The following PLD1 variants were observed in gnomAD, a reference collection of about 807,000 sequenced individuals.
PLD1 encodes phospholipase D1.
Under a neutral mutation model 137.1 loss-of-function variants are expected in PLD1, and 112 were observed. The observed-to-expected ratio is 0.82, with a 90% CI of 0.70 to 0.96. The LOEUF is 0.96. PLD1 is among the 40% of genes least tolerant of loss of function. PLD1 has a pLI of 0.00. For missense variants in PLD1, 1,321 were observed against 1,342.0 expected (o/e 0.98, Z 0.24); for synonymous variants, 431 against 454.7 (o/e 0.95, Z 0.66).
At chr3:171,696,275 A>T (rs925499050) in intron 12 of PLD1, among the ~76,000 whole-genome samples, 1 of 152,354 alleles carries the variant, frequency 6.6e-6, no homozygotes, top group Middle Eastern at 3.4e-3. Flanking sequence ...CAAGTGCAGA[A>T]CTGTGGAAAG....
At chr3:171,608,606 G>A (rs920595820) in intron 25 of PLD1, among the ~76,000 whole-genome samples, 3 of 152,152 alleles carry the variant, frequency 2.0e-5, no homozygotes, top group East Asian at 1.9e-4. Flanking sequence ...AGAGACTAGC[G>A]AGAAGCCAGA....
intron 6 of PLD1, among the ~76,000 whole-genome samples, chr3:171,733,242 T>C (rs993355076): frequency 6.6e-6 from 1 of 152,254 alleles, no homozygotes; most frequent in African/African-American, 2.4e-5. Context: ...TAAGTTCTAC[T>C]CAACTTTTTA....
chr3:171,769,026 A>G (rs1022005747), intron 1 of PLD1, among the ~76,000 whole-genome samples: 2 of 152,218 alleles, frequency 1.3e-5, no homozygotes, highest in African/African-American at 4.8e-5. Context: ...AGGTTTGCTT[A>G]GACACTTTAC....
chr3:171,667,060 A>G (rs907242466), intron 19 of PLD1, among the ~76,000 whole-genome samples: 6 of 152,214 alleles, frequency 3.9e-5, no homozygotes, highest in African/African-American at 1.2e-4. Flanking sequence ...TTCTCTCATC[A>G]TAATGCTTTT....
intron 21 of PLD1, among the ~76,000 whole-genome samples, chr3:171,649,201 C>T (rs1035584675): frequency 6.6e-6 from 1 of 151,974 alleles, no homozygotes; most frequent in Admixed American, 6.6e-5. Flanking sequence ...AACATTCTTG[C>T]AAATTTTAGT....
In PLD1 at chr3:171,672,809, A is replaced by C. The variant is rs28668937; in HGVS notation, c.2229+1691T>G. Among the ~76,000 whole-genome samples the C allele has an allele frequency of 1.3e-5, 2 of 152,124 alleles. 1 individual carries two copies. The highest frequency in any genetic ancestry group is 2.9e-5 in the Non-Finnish European group (2 of 67,986). On this transcript the variant is annotated intron_variant, in intron 19 of 26. Transcript: ENST00000351298. ...CTAGTGTCATTTCTCACACAACATC[A>C]GTGATGCGGAAAAAGCGAACGAAGA... is the stretch of plus-strand genomic sequence containing the variant.
rs1172650602 is a variant in PLD1, at chr3:171,659,161, G to A, written c.2429+52C>T. On this transcript the variant is annotated intron_variant, in intron 21 of 26. Transcript: ENST00000351298. Reference sequence around the variant, plus strand: ...AAATGGGCTTTGCAAAGTCATTTTAGTAATAAATACAAGAACATCTGCAGC... The same window carrying A: ...AAATGGGCTTTGCAAAGTCATTTTAATAATAAATACAAGAACATCTGCAGC... 4 of 1,198,958 alleles carry A rather than the reference G, an allele frequency of 3.3e-6. No homozygotes were observed. In the South Asian group the frequency reaches 5.0e-5, roughly 15 times the overall value. The allele number at this position is 1,198,958 out of a possible 1,614,324, so 74.3% of individuals were successfully genotyped here.
At chr3:171,782,247 T>C (rs920814268) in intron 1 of PLD1, among the ~76,000 whole-genome samples, 2 of 152,110 alleles carry the variant, frequency 1.3e-5, no homozygotes, top group African/African-American at 2.4e-5. Flanking sequence ...AAGAGGGTGG[T>C]CTGGGGACTA....
Position 171,761,813 on chromosome 3 carries a change from C to T in PLD1, c.-31-23731G>A, listed in dbSNP as rs1721414677. ...CCAGTTTTTATGAATCACAACAAAC[C>T]CTTGGTAAGATCCACTTTCTTTCCT... On this transcript the variant is annotated intron_variant, in intron 1 of 26. Transcript: ENST00000351298. Among the ~76,000 whole-genome samples the T allele has an allele frequency of 1.3e-5, 2 of 152,124 alleles. 1 individual carries two copies. The highest frequency in any genetic ancestry group is 4.1e-4 in the South Asian group (2 of 4,834).
intron 16 of PLD1, among the ~76,000 whole-genome samples, chr3:171,683,668 T>C (rs547626481): frequency 1.6e-4 from 24 of 152,202 alleles, no homozygotes; most frequent in Admixed American, 3.3e-4. Flanking sequence ...CGGATCATGC[T>C]CAACTATTCT....
chr3:171,617,426 T>C (rs1028426932), intron 24 of PLD1, among the ~76,000 whole-genome samples: 2 of 152,200 alleles, frequency 1.3e-5, no homozygotes, highest in South Asian at 2.1e-4. Flanking sequence ...TGCTCTCATA[T>C]GGAAGGAGTA....
intron 23 of PLD1, among the ~76,000 whole-genome samples, chr3:171,627,303 G>C (rs937228644): frequency 4.6e-5 from 7 of 151,968 alleles, no homozygotes. Context: ...TCAACAAGAA[G>C]AGCTAACTAT....
At chr3:171,624,801 A>AT (rs1479438717) in intron 23 of PLD1, among the ~76,000 whole-genome samples, 1 of 152,094 alleles carries the variant, frequency 6.6e-6, no homozygotes, top group Non-Finnish European at 1.5e-5. Context: ...TATGCAGTAT[A>AT]TTTTTTTGTG....
chr3:171,647,613 G>A (rs1736362585), intron 21 of PLD1, among the ~76,000 whole-genome samples: 1 of 151,806 alleles, frequency 6.6e-6, no homozygotes, highest in African/African-American at 2.4e-5. Flanking sequence ...CCACGCCCAG[G>A]TAATTTTGTA....
At chr3:171,660,703 T>C (rs1737596966) in intron 20 of PLD1, among the ~76,000 whole-genome samples, 1 of 152,134 alleles carries the variant, frequency 6.6e-6, no homozygotes, top group African/African-American at 2.4e-5. Context: ...CCTCCCAGGT[T>C]CAAGTGATTC....
At chr3:171,625,828 C>T (rs965215107) in intron 23 of PLD1, among the ~76,000 whole-genome samples, 2 of 152,254 alleles carry the variant, frequency 1.3e-5, no homozygotes, top group South Asian at 4.1e-4. Context: ...ACAGAAAGGA[C>T]ATCCACACCA....
chr3:171,673,956 T>A (rs1713062455), intron 19 of PLD1, among the ~76,000 whole-genome samples: 2 of 150,736 alleles, frequency 1.3e-5, no homozygotes, highest in Non-Finnish European at 2.9e-5. Flanking sequence ...CCTCTGTTGA[T>A]AACTAGCTGG....
chr3:171,775,834 C>A (rs1722572746), intron 1 of PLD1, among the ~76,000 whole-genome samples: 1 of 151,886 alleles, frequency 6.6e-6, no homozygotes, highest in South Asian at 2.1e-4. Context: ...CAGAGGGACA[C>A]TCTGTCTCAA....
At chr3:171,693,710 G>A (rs911682963) in intron 12 of PLD1, among the ~76,000 whole-genome samples, 13 of 151,892 alleles carry the variant, frequency 8.6e-5, no homozygotes, top group African/African-American at 1.9e-4. Flanking sequence ...ATTTAATATC[G>A]TAGAGATTAA....
Sources: gnomAD v4.1 joint callset for allele counts (sites outside exome capture counted in the v4.1 genomes callset) on GRCh38, gnomAD v4.1.1 for gene constraint, MANE v1.5 for transcripts, NCBI Gene and HGNC (gene_info 2026-07-23, HGNC 2026-07-21) for gene names.